CPLX3: variants seen among roughly 807,000 people sequenced by gnomAD.
The protein encoded by CPLX3 is complexin 3, also known as complexin-3.
In CPLX3, 12 loss-of-function variants were observed where a neutral mutation model predicts 17.2. That is an observed-to-expected ratio of 0.70 (90% confidence interval 0.45 to 1.13). The LOEUF (loss-of-function observed/expected upper bound fraction) is 1.13, where lower values mean the gene tolerates loss of function less well. Among genes scored for constraint, CPLX3 ranks in the 50% most tolerant of loss-of-function variants. CPLX3 has a pLI of 0.00. For synonymous variants in CPLX3, 75 were observed against 79.4 expected (o/e 0.94, Z 0.29); for missense variants, 172 against 203.2 (o/e 0.85, Z 0.93).
rs192730583 is a variant in CPLX3, at chr15:74,827,756, G to A, written c.165-278G>A. ...TGTCAGTGAGGGAACAGCAGACCAA[G>A]TTGGAGGCCATGAGGGACAAATAAT... On this transcript the variant is annotated intron_variant, in intron 1 of 2. Transcript: ENST00000395018. Among the ~76,000 whole-genome samples, 632 of 152,362 alleles carry A rather than the reference G, an allele frequency of 4.1e-3. 3 individuals are homozygous for A. The highest frequency in any genetic ancestry group is 5.1e-3 in the Non-Finnish European group (347 of 68,042).
chr15:74,828,918 G>T (rs2063955904), intron 2 of CPLX3, among the ~76,000 whole-genome samples: 1 of 152,174 alleles, frequency 6.6e-6, no homozygotes, highest in African/African-American at 2.4e-5. Flanking sequence ...TGTCTAAGGA[G>T]GGGAATGAAG....
In CPLX3 at chr15:74,830,722, C is replaced by T. The variant is rs2063965317; in HGVS notation, c.*368C>T. On this transcript the variant is annotated 3_prime_UTR_variant, in exon 3 of 3. Coordinates refer to ENST00000395018, the MANE Select transcript of CPLX3 (RefSeq NM_001030005.3). ...CGTTCAGAGACAGAAGCCACAGATA[C>T]ATCCCGGCACAGACAGACACACACG... 1 of 202,094 alleles carries T rather than the reference C, an allele frequency of 4.9e-6. No individual in the cohort carries two copies. Among genetic ancestry groups the T allele is most frequent in the African/African-American group, 2.3e-5 (1 of 43,296 alleles). The allele number at this position is 202,094 out of a possible 1,614,324, so 12.5% of individuals were successfully genotyped here. A position where few individuals can be genotyped will look rare whatever the true frequency, so the allele number is the denominator to read the frequency against.
rs959442199 is a variant in CPLX3, at chr15:74,828,237, T to G, written c.252+116T>G. On this transcript the variant is annotated intron_variant, in intron 2 of 2. Transcript: ENST00000395018. ...CTATGAGACTCACAGGGTATTTGGT[T>G]AGATCCTTCCTTCTCATTCATTTGT... 6 of 773,660 alleles carry G rather than the reference T, an allele frequency of 7.8e-6. No homozygotes were observed. The African/African-American group carries it at 1.0e-4, about 13-fold the overall frequency. The allele number at this position is 773,660 out of a possible 1,614,324, so 47.9% of individuals were successfully genotyped here.
chr15:74,828,078 C>A lies in CPLX3; in HGVS notation c.209C>A (p.Ala70Asp). 6.2e-7 allele frequency: 1 copy of A among 1,607,262 alleles called. No homozygotes were observed. Among genetic ancestry groups the A allele is most frequent in the South Asian group, 1.1e-5 (1 of 89,660 alleles). ...AQFTQRKAER[A>D]TLRSHFRDKY... Reference sequence around the variant, plus strand: ...TTCACACAGAGGAAGGCAGAGCGGGCCACACTGCGGAGCCACTTCCGAGAC... The same window carrying A: ...TTCACACAGAGGAAGGCAGAGCGGGACACACTGCGGAGCCACTTCCGAGAC... Residue 70 changes from alanine (A) to aspartate (D), a missense_variant, in exon 2 of 3, where the codon GCC (alanine) becomes GAC (aspartate). Coordinates refer to ENST00000395018, the MANE Select transcript of CPLX3 (RefSeq NM_001030005.3).
chr15:74,828,723 T>C (rs1231847632), intron 2 of CPLX3, among the ~76,000 whole-genome samples: 1 of 152,004 alleles, frequency 6.6e-6, no homozygotes, highest in African/African-American at 2.4e-5. Context: ...CTCAAGCCGG[T>C]GAATATGAGC....
In CPLX3 at chr15:74,830,392, T is replaced by G. The variant is rs766880854; in HGVS notation, c.*38T>G. On this transcript the variant is annotated 3_prime_UTR_variant, in exon 3 of 3. Coordinates refer to ENST00000395018, the MANE Select transcript of CPLX3 (RefSeq NM_001030005.3). ...GGTTACCCACTGGGCTGGGCCCCCATGAGGGCTAAGAGTGTGTCAACTTCC... is the reference window on the plus strand; with the variant it reads ...GGTTACCCACTGGGCTGGGCCCCCAGGAGGGCTAAGAGTGTGTCAACTTCC... The G allele has an allele frequency of 6.5e-7, 1 of 1,548,212 alleles. No individual in the cohort carries two copies. The highest frequency in any genetic ancestry group is 8.8e-7 in the Non-Finnish European group (1 of 1,132,180).
At chr15:74,828,207 C>G in intron 2 of CPLX3, 86 bp downstream of exon 2, 1 of 1,024,258 alleles carries the variant, frequency 9.8e-7, no homozygotes, top group East Asian at 2.6e-5. Context: ...CACCACAGCC[C>G]TCAGCTATGA....
chr15:74,826,909 C>T lies in CPLX3; in HGVS notation c.164+42C>T, dbSNP rs537073505. 6.4e-7 allele frequency: 1 copy of T among 1,560,184 alleles called. No homozygotes were observed. The highest frequency in any genetic ancestry group is 8.7e-7 in the Non-Finnish European group (1 of 1,146,546). On this transcript the variant is annotated intron_variant, in intron 1 of 2. Transcript: ENST00000395018. This position sits in a 1 kb window ranked among gnomAD's most constrained non-coding sequence, Gnocchi z 5.0. ...CCTGGCTCCAACGACCTCCCCTCCC[C>T]ACCCCCACAGCTGCTCAGTCCATCC...
Position 74,830,553 on chromosome 15 carries a change from C to T in CPLX3, c.*199C>T. ...GTAAAGTCCCCATCTTCACTCTACCCTTCAGGACCCTCCCCACCAGCTCAG... is the reference window on the plus strand; with the variant it reads ...GTAAAGTCCCCATCTTCACTCTACCTTTCAGGACCCTCCCCACCAGCTCAG... On this transcript the variant is annotated 3_prime_UTR_variant, in exon 3 of 3. Coordinates refer to ENST00000395018, the MANE Select transcript of CPLX3 (RefSeq NM_001030005.3). The T allele has an allele frequency of 1.7e-6, 1 of 574,736 alleles. No homozygotes were observed. The allele number at this position is 574,736 out of a possible 1,614,324, so 35.6% of individuals were successfully genotyped here. A position where few individuals can be genotyped will look rare whatever the true frequency, so the allele number is the denominator to read the frequency against.
rs115063407 is a variant in CPLX3 at position 74,829,812 on chromosome 15, C to T, written c.253-318C>T. ...AAGGTCTCCATGTCCAGGCATCAAA[C>T]GCTTGATCCTGGGATGTGGGGGTGG... On this transcript the variant is annotated intron_variant, in intron 2 of 2. Coordinates refer to ENST00000395018, the MANE Select transcript of CPLX3 (RefSeq NM_001030005.3). Among the ~76,000 whole-genome samples the T allele has an allele frequency of 7.4e-3, 1,133 of 152,144 alleles. 16 individuals are homozygous for T. Among genetic ancestry groups the T allele is most frequent in the African/African-American group, 0.026 (1,078 of 41,484 alleles).
rs2063970268 is a variant in CPLX3 at position 74,831,706 on chromosome 15, C to T, written c.*1352C>T. The T allele has an allele frequency of 1.3e-5, 2 of 152,250 alleles. No homozygotes were observed. Among genetic ancestry groups the T allele is most frequent in the Non-Finnish European group, 2.9e-5 (2 of 68,064 alleles). The allele number at this position is 152,250 out of a possible 1,614,324, so 9.4% of individuals were successfully genotyped here. ...CCCCTGTAAAATGAACAGTCCCCCTCTCCCCCAAATAGTAATAATACATGT... is the reference window on the plus strand; with the variant it reads ...CCCCTGTAAAATGAACAGTCCCCCTTTCCCCCAAATAGTAATAATACATGT... On this transcript the variant is annotated 3_prime_UTR_variant, in exon 3 of 3. Transcript: ENST00000395018.
rs1026102891 is a variant in CPLX3 at position 74,830,010 on chromosome 15, A to G, written c.253-120A>G. 4.5e-3 allele frequency: 3,323 copies of G among 738,670 alleles called. 22 individuals carry two copies. Among genetic ancestry groups the G allele is most frequent in the Non-Finnish European group, 6.2e-3 (2,794 of 451,420 alleles). 45.8% of individuals were successfully genotyped at this position (738,670 alleles called of 1,614,324 possible). ...GACCTCGTCTCTACAAAAAAAAAAA[A>G]AAAGAAAAAATAGAATCTAGGGGCC... On this transcript the variant is annotated intron_variant, in intron 2 of 2. Coordinates refer to ENST00000395018, the MANE Select transcript of CPLX3 (RefSeq NM_001030005.3).
chr15:74,826,986 T>A lies in CPLX3; in HGVS notation c.164+119T>A. On this transcript the variant is annotated intron_variant, in intron 1 of 2. Coordinates refer to ENST00000395018, the MANE Select transcript of CPLX3 (RefSeq NM_001030005.3). This position sits in a 1 kb window ranked among gnomAD's most constrained non-coding sequence, Gnocchi z 5.0. ...TTCTCCCCTACTTTCCTAGACACGG[T>A]AAGAGACCGGGAGGTGTCCTCTACA... is the stretch of plus-strand genomic sequence containing the variant. 1 of 921,586 alleles carries A rather than the reference T, an allele frequency of 1.1e-6. No individual in the cohort carries two copies. The highest frequency in any genetic ancestry group is 1.6e-6 in the Non-Finnish European group (1 of 619,298). 57.1% of individuals were successfully genotyped at this position (921,586 alleles called of 1,614,324 possible).
At position 74,831,241 on chromosome 15, in the gene CPLX3, C is replaced by T. The variant is rs1023390848; in HGVS notation, c.*887C>T. Reference sequence around the variant, plus strand: ...TAAAAATCCCAAATGGTGTGCCTACCTTCCCACTTCTTACTGGCTTCCAGG... The same window carrying T: ...TAAAAATCCCAAATGGTGTGCCTACTTTCCCACTTCTTACTGGCTTCCAGG... On this transcript the variant is annotated 3_prime_UTR_variant, in exon 3 of 3. Transcript: ENST00000395018. 1.3e-5 allele frequency: 2 copies of T among 152,434 alleles called. No individual in the cohort carries two copies. The highest frequency in any genetic ancestry group is 6.5e-5 in the Admixed American group (1 of 15,288). The allele number at this position is 152,434 out of a possible 1,614,324, so 9.4% of individuals were successfully genotyped here.
Sources: gnomAD v4.1 joint callset for allele counts (sites outside exome capture counted in the v4.1 genomes callset) on GRCh38, gnomAD v4.1.1 for gene constraint, Gnocchi (gnomAD v3.1) non-coding constraint, MANE v1.5 for transcripts, NCBI Gene and HGNC (gene_info 2026-07-23, HGNC 2026-07-21) for gene names.